The following ZC3H12C variants were observed in gnomAD, a reference collection of about 807,000 sequenced individuals.
ZC3H12C encodes the protein probable ribonuclease ZC3H12C.
Under a neutral mutation model 76.3 loss-of-function variants are expected in ZC3H12C, and 20 were observed. The observed-to-expected ratio is 0.26, with a 90% CI of 0.18 to 0.38. ZC3H12C has a LOEUF of 0.38. Ranked by LOEUF, ZC3H12C falls within the 10% of genes least tolerant of loss-of-function variation. The pLI is 1.00. For missense variants in ZC3H12C, 874 were observed against 1,086.5 expected (o/e 0.80, Z 2.75); for synonymous variants, 352 against 399.6 (o/e 0.88, Z 1.42).
chr11:110,102,003 G>A (rs1023064259), intron 1 of ZC3H12C, among the ~76,000 whole-genome samples: 2 of 151,690 alleles, frequency 1.3e-5, no homozygotes, highest in African/African-American at 4.8e-5. Context: ...TTCAAAATAT[G>A]TAATATTACT....
chr11:110,102,799 C>T (rs555651787), intron 1 of ZC3H12C, among the ~76,000 whole-genome samples: 2 of 152,276 alleles, frequency 1.3e-5, no homozygotes, highest in South Asian at 4.1e-4. Flanking sequence ...CTTCAGCAAC[C>T]ACCACCCTGA....
At chr11:110,129,349 G>T (rs1861817480) in intron 1 of ZC3H12C, among the ~76,000 whole-genome samples, 1 of 152,156 alleles carries the variant, frequency 6.6e-6, no homozygotes, top group Non-Finnish European at 1.5e-5. Context: ...GTAGGCAGAA[G>T]GAGTGTTTTC....
chr11:110,155,054 G>A (rs1469071466), intron 3 of ZC3H12C, among the ~76,000 whole-genome samples: 2 of 152,210 alleles, frequency 1.3e-5, no homozygotes, highest in South Asian at 2.1e-4. Context: ...TTGGGAGACC[G>A]AGGCAGATGG....
intron 3 of ZC3H12C, among the ~76,000 whole-genome samples, chr11:110,154,073 A>AT (rs1862327347): frequency 6.6e-6 from 1 of 152,220 alleles, no homozygotes; most frequent in Admixed American, 6.5e-5. Flanking sequence ...AAAGGGGATG[A>AT]TTAAGACTTA....
Sources: gnomAD v4.1 joint callset for allele counts (sites outside exome capture counted in the v4.1 genomes callset) on GRCh38, gnomAD v4.1.1 for gene constraint, MANE v1.5 for transcripts, NCBI Gene and HGNC (gene_info 2026-07-23, HGNC 2026-07-21) for gene names.